Variants in RREB1 observed in about 807,000 individuals in gnomAD.
The protein encoded by RREB1 is ras-responsive element-binding protein 1.
A neutral mutation model predicts 117.8 loss-of-function variants in RREB1; 27 were observed. The ratio of observed to expected loss-of-function variants is 0.23; its 90% CI spans 0.17 to 0.32. The LOEUF is 0.32. RREB1 is among the 10% of genes least tolerant of loss of function. The pLI, the probability that RREB1 is intolerant of heterozygous loss-of-function variation, is 1.00. For synonymous variants in RREB1, 1,298 were observed against 1,026.7 expected (o/e 1.26, Z -5.05); for missense variants, 2,577 against 2,378.2 (o/e 1.08, Z -1.74).
At chr6:7,207,798 C>G (rs1045038911) in intron 6 of RREB1, among the ~76,000 whole-genome samples, 3 of 152,224 alleles carry the variant, frequency 2.0e-5, no homozygotes, top group African/African-American at 7.2e-5. Flanking sequence ...CAGTAGTCCT[C>G]TTACACTATT....
chr6:7,228,247 C>G (rs552700127), intron 9 of RREB1, among the ~76,000 whole-genome samples: 1 of 152,140 alleles, frequency 6.6e-6, no homozygotes, highest in South Asian at 2.1e-4. Context: ...AGGCAGCATC[C>G]CCCTTCCACA....
chr6:7,181,037 G>A (rs895782646), intron 2 of RREB1, 87 bp from the exon 3 acceptor site: 2 of 395,254 alleles, frequency 5.1e-6, no homozygotes, highest in African/African-American at 4.1e-5. Context: ...TGAATATAGT[G>A]GTCTAAGATT....
In RREB1 at chr6:7,206,363, C is replaced by T. The variant is rs1480332404; in HGVS notation, c.426-4441C>T. Among the ~76,000 whole-genome samples, 4 of 152,292 alleles carry T rather than the reference C, an allele frequency of 2.6e-5. No homozygotes were observed. The East Asian group carries it at 7.7e-4, about 29-fold the overall frequency. ...TCTAGCAAGGCAAGTTATAAGATGT[C>T]CTGGAACCTGAGCGTGTATGTCATA... On this transcript the variant is annotated intron_variant, in intron 6 of 12. Transcript: ENST00000379938.
At chr6:7,151,440 C>G (rs1763118320) in intron 1 of RREB1, among the ~76,000 whole-genome samples, 1 of 152,204 alleles carries the variant, frequency 6.6e-6, no homozygotes, top group South Asian at 2.1e-4. Context: ...CCCCCAGGAG[C>G]AGCAGGCCCT....
rs150278152 is a variant in RREB1, at chr6:7,160,340, A to C, written c.-284-16315A>C. Among the ~76,000 whole-genome samples, 27 of 152,314 alleles carry C rather than the reference A, an allele frequency of 1.8e-4. No homozygotes were observed. In the East Asian group the frequency reaches 5.0e-3, roughly 28 times the overall value. ...AAAATTATGTTAAGTTTTTTTAAAAAAAAATAGTGACATCAAATTATACTT... is the reference window on the plus strand; with the variant it reads ...AAAATTATGTTAAGTTTTTTTAAAACAAAATAGTGACATCAAATTATACTT... On this transcript the variant is annotated intron_variant, in intron 1 of 12. Coordinates refer to ENST00000379938, the MANE Select transcript of RREB1 (RefSeq NM_001003699.4).
At chr6:7,152,587 T>C (rs533740894) in intron 1 of RREB1, among the ~76,000 whole-genome samples, 198 of 152,322 alleles carry the variant, frequency 1.3e-3, no homozygotes, top group African/African-American at 4.2e-3. Flanking sequence ...ACCTTTTTTT[T>C]CCTTTCCTTT....
chr6:7,231,660 C>T lies in RREB1; in HGVS notation c.3561C>T (p.Thr1187=). 6.2e-7 allele frequency: 1 copy of T among 1,611,782 alleles called. No individual in the cohort carries two copies. The highest frequency in any genetic ancestry group is 1.7e-5 in the Admixed American group (1 of 59,918). Residue 1187 remains threonine (T), a synonymous_variant, in exon 10 of 13, where the codon ACC becomes ACT. Transcript: ENST00000379938. Reference sequence around the variant, plus strand: ...CCAGCATCGAGAAGATGCTGGCCACCACAGACACCAACAAGTTCAGTCCGT... The same window carrying T: ...CCAGCATCGAGAAGATGCTGGCCACTACAGACACCAACAAGTTCAGTCCGT... ...EFASIEKMLA[T]TDTNKFSPFL... is the part of the protein sequence containing the mutation.
intron 8 of RREB1, chr6:7,212,959 T>C (rs1215197480): frequency 2.6e-5 from 4 of 152,206 alleles, no homozygotes; most frequent in Non-Finnish European, 5.9e-5. Flanking sequence ...TGCTATAAAA[T>C]GTCTTTACGG....
intron 1 of RREB1, among the ~76,000 whole-genome samples, chr6:7,146,133 G>A (rs1380187315): frequency 6.6e-6 from 1 of 151,854 alleles, no homozygotes; most frequent in African/African-American, 2.4e-5. Context: ...ACACACTTCA[G>A]TATCTGGCTT....
rs569959501 is a variant in RREB1, at chr6:7,132,695, T to A, written c.-285+24635T>A. On this transcript the variant is annotated intron_variant, in intron 1 of 12. Transcript: ENST00000379938. ...TTGCTCTTCACACACAGATCTTTTT[T>A]TTCTTTTAACAGATTTTTTTTTTAC... 2.6e-5 allele frequency among the ~76,000 whole-genome samples: 4 copies of A among 152,368 alleles called. No individual in the cohort carries two copies. In the East Asian group the frequency reaches 7.7e-4, roughly 29 times the overall value.
intron 8 of RREB1, among the ~76,000 whole-genome samples, chr6:7,220,438 A>G (rs1767181776): frequency 6.6e-6 from 1 of 151,928 alleles, no homozygotes. Flanking sequence ...TTTTCTTCCT[A>G]AAAGTAATGT....
intron 1 of RREB1, among the ~76,000 whole-genome samples, chr6:7,145,997 C>T (rs1209042484): frequency 6.6e-6 from 1 of 151,792 alleles, no homozygotes; most frequent in Non-Finnish European, 1.5e-5. Context: ...CTTTCCCTAC[C>T]CCCTACGCCA....
intron 4 of RREB1, among the ~76,000 whole-genome samples, 160 bp from the exon 5 acceptor site, chr6:7,187,274 A>T (rs1765131129): frequency 6.6e-6 from 1 of 152,230 alleles, no homozygotes; most frequent in African/African-American, 2.4e-5. Context: ...AAACTGAGGC[A>T]GACAGGGCCG....
intron 3 of RREB1, 105 bp downstream of exon 3, chr6:7,181,351 T>C (rs1033121208): frequency 1.8e-5 from 7 of 399,898 alleles, no homozygotes; most frequent in Non-Finnish European, 3.1e-5. Context: ...AATTTGAAAT[T>C]TGTTTGTAAC....
intron 11 of RREB1, 147 bp downstream of exon 11, chr6:7,240,749 G>T (rs1383933403): frequency 1.1e-5 from 7 of 650,328 alleles, no homozygotes; most frequent in Non-Finnish European, 1.8e-5. Flanking sequence ...TAATAGAAAG[G>T]CAGGCCCTGC....
Position 7,193,384 on chromosome 6 carries a change from T to G in RREB1, c.425+4062T>G, listed in dbSNP as rs534880884. ...GCATTGTTCAAGTCTTCCATTTCCTTATTGATCTCCATTTATTTTTATGTA... is the reference window on the plus strand; with the variant it reads ...GCATTGTTCAAGTCTTCCATTTCCTGATTGATCTCCATTTATTTTTATGTA... On this transcript the variant is annotated intron_variant, in intron 6 of 12. Transcript: ENST00000379938. Among the ~76,000 whole-genome samples the G allele has an allele frequency of 1.5e-3, 236 of 152,342 alleles. 2 individuals are homozygous for G. Among genetic ancestry groups the G allele is most frequent in the Middle Eastern group, 0.01 (3 of 294 alleles).
chr6:7,242,009 G>C (rs1380144362), intron 11 of RREB1, among the ~76,000 whole-genome samples: 4 of 152,192 alleles, frequency 2.6e-5, no homozygotes, highest in African/African-American at 7.2e-5. Context: ...TCCTGTTAAT[G>C]TTTAACCATC....
At chr6:7,239,848 T>A (rs1768579195) in intron 10 of RREB1, among the ~76,000 whole-genome samples, 1 of 152,218 alleles carries the variant, frequency 6.6e-6, no homozygotes, top group African/African-American at 2.4e-5. Context: ...TCTCGGCAAG[T>A]CAGACAGGAG....
At chr6:7,158,783 T>A (rs1034423896) in intron 1 of RREB1, among the ~76,000 whole-genome samples, 2 of 152,202 alleles carry the variant, frequency 1.3e-5, no homozygotes, top group Non-Finnish European at 2.9e-5. Context: ...CAAGAAATAT[T>A]TGAGGGCCTA....
Sources: gnomAD v4.1 joint callset for allele counts (sites outside exome capture counted in the v4.1 genomes callset) on GRCh38, gnomAD v4.1.1 for gene constraint, MANE v1.5 for transcripts, NCBI Gene and HGNC (gene_info 2026-07-23, HGNC 2026-07-21) for gene names.